PIK3CA: variants seen among roughly 807,000 people sequenced by gnomAD.
The protein encoded by PIK3CA is phosphatidylinositol 4,5-bisphosphate 3-kinase catalytic subunit alpha isoform.
PIK3CA carries 27 observed loss-of-function variants against 138.2 expected under a neutral mutation model. The observed-to-expected ratio is 0.20, with a 90% CI of 0.14 to 0.27. The LOEUF is 0.27. PIK3CA is among the 10% of genes least tolerant of loss of function. The pLI, the probability that PIK3CA is intolerant of heterozygous loss-of-function variation, is 1.00. For missense variants in PIK3CA, 544 were observed against 1,277.4 expected (o/e 0.43, Z 8.75); for synonymous variants, 358 against 413.2 (o/e 0.87, Z 1.62).
chr3:179,170,931 C>T (rs559287928), intron 1 of PIK3CA, among the ~76,000 whole-genome samples: 3 of 152,216 alleles, frequency 2.0e-5, no homozygotes, highest in Admixed American at 1.3e-4. Context: ...AGGAATAAAG[C>T]AATCAGCCAA....
intron 1 of PIK3CA, among the ~76,000 whole-genome samples, chr3:179,177,393 A>G (rs886628407): frequency 6.8e-6 from 1 of 148,014 alleles, no homozygotes; most frequent in Non-Finnish European, 1.5e-5. Flanking sequence ...ACTCACTGCA[A>G]CCTCCGCCTC....
chr3:179,153,333 A>G (rs1723058606), intron 1 of PIK3CA, among the ~76,000 whole-genome samples: 1 of 152,246 alleles, frequency 6.6e-6, no homozygotes, highest in Non-Finnish European at 1.5e-5. Context: ...AAACTTACAC[A>G]GAATGTAATA....
chr3:179,208,097 T>G (rs934166258), intron 6 of PIK3CA, among the ~76,000 whole-genome samples: 2 of 152,156 alleles, frequency 1.3e-5, no homozygotes, highest in African/African-American at 4.8e-5. Flanking sequence ...GTTTTTTCTT[T>G]TACCTTTAGA....
At chr3:179,153,308 G>A (rs1210213230) in intron 1 of PIK3CA, among the ~76,000 whole-genome samples, 1 of 151,962 alleles carries the variant, frequency 6.6e-6, no homozygotes, top group East Asian at 1.9e-4. Context: ...TTATTTATTT[G>A]GTAATATTGA....
At chr3:179,180,109 A>G (rs192629429) in intron 1 of PIK3CA, among the ~76,000 whole-genome samples, 35 of 152,162 alleles carry the variant, frequency 2.3e-4, no homozygotes, top group African/African-American at 7.2e-4. Context: ...GAGATCCACA[A>G]TATTGTCTTA....
intron 9 of PIK3CA, among the ~76,000 whole-genome samples, chr3:179,210,960 T>G (rs1427370297): frequency 6.6e-6 from 1 of 152,202 alleles, no homozygotes; most frequent in Non-Finnish European, 1.5e-5. Flanking sequence ...ACTACACTGG[T>G]CTACTTATAT....
chr3:179,226,092 A>G, intron 17 of PIK3CA, 52 bp downstream of exon 17: 1 of 964,150 alleles, frequency 1.0e-6, no homozygotes, highest in Non-Finnish European at 1.7e-6. Flanking sequence ...TGAAAAAGTG[A>G]ACTATTAATA....
chr3:179,203,958 A>C, intron 5 of PIK3CA, among the ~76,000 whole-genome samples, 169 bp downstream of exon 5: 1 of 152,182 alleles, frequency 6.6e-6, no homozygotes. Context: ...GCTTCCATCT[A>C]CCTTAGCTAT....
chr3:179,173,974 C>T lies in PIK3CA; in HGVS notation c.-76-24776C>T, dbSNP rs186051839. Reference sequence around the variant, plus strand: ...AACTCCTGACCTCAGGTGATCCACCCGCCTCGGCCTCCCGAAGTGCTGGGA... The same window carrying T: ...AACTCCTGACCTCAGGTGATCCACCTGCCTCGGCCTCCCGAAGTGCTGGGA... On this transcript the variant is annotated intron_variant, in intron 1 of 20. Coordinates refer to ENST00000263967, the MANE Select transcript of PIK3CA (RefSeq NM_006218.4). Among the ~76,000 whole-genome samples, 572 of 151,884 alleles carry T rather than the reference C, an allele frequency of 3.8e-3. 2 individuals carry two copies. In the Middle Eastern group the frequency reaches 0.048, roughly 13 times the overall value.
chr3:179,162,660 A>G (rs1723314497), intron 1 of PIK3CA, among the ~76,000 whole-genome samples: 1 of 152,212 alleles, frequency 6.6e-6, no homozygotes, highest in South Asian at 2.1e-4. Flanking sequence ...GTAATTGTTT[A>G]GAAAACGGGA....
chr3:179,151,234 A>G (rs368966660), intron 1 of PIK3CA, among the ~76,000 whole-genome samples: 1 of 152,222 alleles, frequency 6.6e-6, no homozygotes, highest in African/African-American at 2.4e-5. Flanking sequence ...TGGTATTACT[A>G]TCCCTAAGAA....
chr3:179,220,939 A>C lies in PIK3CA; in HGVS notation c.2016-47A>C. The C allele has an allele frequency of 1.6e-6, 2 of 1,251,444 alleles. No homozygotes were observed. Among genetic ancestry groups the C allele is most frequent in the Non-Finnish European group, 2.2e-6 (2 of 908,814 alleles). 77.5% of individuals were successfully genotyped at this position (1,251,444 alleles called of 1,614,324 possible). ...TTTAGCAAAGATTATTTGTATACTG[A>C]TTTAAGACTATATATATATATTTTT... On this transcript the variant is annotated intron_variant, in intron 13 of 20. Transcript: ENST00000263967. The surrounding 1 kb of genome is among the most constrained non-coding windows in gnomAD (Gnocchi z 4.1).
intron 1 of PIK3CA, among the ~76,000 whole-genome samples, chr3:179,183,511 G>T (rs773761343): frequency 6.6e-6 from 1 of 152,144 alleles, no homozygotes; most frequent in African/African-American, 2.4e-5. Flanking sequence ...AAGTTGTTTT[G>T]ACCAATAAAT....
At chr3:179,226,077 T>A in intron 17 of PIK3CA, 37 bp downstream of exon 17, 1 of 1,160,790 alleles carries the variant, frequency 8.6e-7, no homozygotes, top group Admixed American at 1.7e-5. Context: ...TGTTGAAAGT[T>A]ATCCTGAAAA....
chr3:179,194,321 T>A (rs1034261237), intron 1 of PIK3CA, among the ~76,000 whole-genome samples: 1 of 152,160 alleles, frequency 6.6e-6, no homozygotes, highest in African/African-American at 2.4e-5. Context: ...CCTCCCAGGC[T>A]AAAATGATCC....
chr3:179,148,274 A>AG (rs1376551865), upstream of PIK3CA: 1 of 148,116 alleles, frequency 6.8e-6, no homozygotes, highest in African/African-American at 2.5e-5. Flanking sequence ...GGAAAAAAAA[A>AG]CAGGGGCGAC....
chr3:179,206,294 G>A (rs1379653998), intron 6 of PIK3CA, among the ~76,000 whole-genome samples: 1 of 151,916 alleles, frequency 6.6e-6, no homozygotes, highest in African/African-American at 2.4e-5. Context: ...CTGACCTCAG[G>A]TGATCCCACC....
intron 6 of PIK3CA, 99 bp from the exon 7 acceptor site, chr3:179,209,496 G>A (rs376395596): frequency 2.3e-5 from 14 of 619,018 alleles, no homozygotes; most frequent in East Asian, 8.7e-5. Context: ...CCTGTTTTTC[G>A]TTTGGTTGAT....
At chr3:179,171,911 C>G (rs1723568590) in intron 1 of PIK3CA, among the ~76,000 whole-genome samples, 1 of 151,866 alleles carries the variant, frequency 6.6e-6, no homozygotes, top group African/African-American at 2.4e-5. Context: ...GATACCAAAG[C>G]CAACACAAAG....
Sources: gnomAD v4.1 joint callset for allele counts (sites outside exome capture counted in the v4.1 genomes callset) on GRCh38, gnomAD v4.1.1 for gene constraint, Gnocchi (gnomAD v3.1) non-coding constraint, MANE v1.5 for transcripts, NCBI Gene and HGNC (gene_info 2026-07-23, HGNC 2026-07-21) for gene names.